RIC3: variants seen among roughly 807,000 people sequenced by gnomAD.
RIC3 encodes the protein RIC3 acetylcholine receptor chaperone, also known as protein RIC-3.
RIC3 carries 28 observed loss-of-function variants against 27.3 expected under a neutral mutation model. The observed-to-expected ratio is 1.02, with a 90% CI of 0.76 to 1.41. The LOEUF is 1.41. Ranked by LOEUF, RIC3 falls within the 40% of genes most tolerant of loss-of-function variation. The pLI, the probability that RIC3 is intolerant of heterozygous loss-of-function variation, is 0.00. For synonymous variants in RIC3, 184 were observed against 160.4 expected, an observed-to-expected ratio of 1.15 and a Z score of -1.11; for missense variants, 501 against 444.7, an observed-to-expected ratio of 1.13 and a Z score of -1.14.
chr11:8,095,841 C>T, the RIC3 span, among the ~76,000 whole-genome samples: 1 of 152,344 alleles, frequency 6.6e-6, no homozygotes, highest in South Asian at 2.1e-4. Flanking sequence ...CCTGCTAAGG[C>T]CCCAGGGAGG....
chr11:8,096,647 C>G, the RIC3 span: 2 of 1,389,252 alleles, frequency 1.4e-6, no homozygotes, highest in African/African-American at 2.8e-5. Flanking sequence ...GCGTAGACTT[C>G]TCCTCCTTCA....
chr11:8,105,933 G>T (rs570187229), downstream of RIC3: 2 of 152,276 alleles, frequency 1.3e-5, no homozygotes, highest in African/African-American at 4.8e-5. Flanking sequence ...CTCTTGCTGG[G>T]AACACAGCCA....
intron 1 of RIC3, among the ~76,000 whole-genome samples, chr11:8,141,624 C>T (rs1949082708): frequency 6.6e-6 from 1 of 151,658 alleles, no homozygotes; most frequent in Non-Finnish European, 1.5e-5. Flanking sequence ...ATCAACGAGA[C>T]AGAAAGTCAA....
the RIC3 span, among the ~76,000 whole-genome samples, chr11:8,094,667 C>T: frequency 6.6e-6 from 1 of 152,230 alleles, no homozygotes; most frequent in South Asian, 2.1e-4. Context: ...GGACCACAGA[C>T]CAGCCTGTTC....
the RIC3 span, among the ~76,000 whole-genome samples, chr11:8,099,114 C>T: frequency 6.6e-6 from 1 of 151,984 alleles, no homozygotes; most frequent in Admixed American, 6.5e-5. Context: ...AGGCCTGGCT[C>T]TCTGCAGTCC....
Position 8,115,342 on chromosome 11 carries a change from T to C in RIC3, c.671-4205A>G, listed in dbSNP as rs190741423. Among the ~76,000 whole-genome samples the C allele has an allele frequency of 7.5e-4, 114 of 151,174 alleles. 1 individual carries two copies. Among genetic ancestry groups the C allele is most frequent in the African/African-American group, 2.6e-3 (108 of 41,304 alleles). On this transcript the variant is annotated intron_variant, in intron 5 of 5. Coordinates refer to ENST00000309737, the MANE Select transcript of RIC3 (RefSeq NM_001206671.4). ...AAAAAAAAAAGGTCAACCAAGAATA[T>C]TGTAGTTGGCAAAGCTCTCCTTCAG...
At position 8,107,073 on chromosome 11, in the gene RIC3, G is replaced by A. The variant is rs115242611; in HGVS notation, c.*3625C>T. The A allele has an allele frequency of 1.3e-5, 2 of 152,186 alleles. No individual in the cohort carries two copies. Among genetic ancestry groups the A allele is most frequent in the Non-Finnish European group, 2.9e-5 (2 of 68,032 alleles). The allele number at this position is 152,186 out of a possible 1,614,324, so 9.4% of individuals were successfully genotyped here. A position where few individuals can be genotyped will look rare whatever the true frequency, so the allele number is the denominator to read the frequency against. ...TCTGAGAGGTTAAGGAATGACCTAA[G>A]AGGAGAAATTTGGGCTATTTTCTTT... On this transcript the variant is annotated 3_prime_UTR_variant, in exon 6 of 6. Transcript: ENST00000309737.
the RIC3 span, chr11:8,095,651 C>T: frequency 2.2e-5 from 36 of 1,602,420 alleles, no homozygotes; most frequent in East Asian, 2.3e-4. Flanking sequence ...CTCCGTGCCA[C>T]GATGCAGAGG....
At chr11:8,152,656 T>C (rs961447320) in intron 1 of RIC3, among the ~76,000 whole-genome samples, 3 of 152,160 alleles carry the variant, frequency 2.0e-5, no homozygotes, top group East Asian at 1.9e-4. Flanking sequence ...TAAAATTGAC[T>C]GTAGTGATAG....
chr11:8,115,521 G>A (rs578250005), intron 5 of RIC3, among the ~76,000 whole-genome samples: 8 of 152,154 alleles, frequency 5.3e-5, no homozygotes, highest in Non-Finnish European at 1.0e-4. Context: ...ATATATGAAA[G>A]TATAGGCTAG....
the RIC3 span, chr11:8,096,836 T>A: frequency 6.2e-7 from 1 of 1,612,624 alleles, no homozygotes; most frequent in Non-Finnish European, 8.5e-7. Context: ...TCCACAGCAG[T>A]TTTTGGAGGA....
intron 5 of RIC3, among the ~76,000 whole-genome samples, chr11:8,119,074 C>T (rs1386879453): frequency 3.9e-5 from 6 of 151,918 alleles, no homozygotes; most frequent in African/African-American, 1.2e-4. Flanking sequence ...AATGAGAGAA[C>T]AAAATAAGGT....
At chr11:8,116,010 T>C (rs1018260592) in intron 5 of RIC3, among the ~76,000 whole-genome samples, 4 of 152,124 alleles carry the variant, frequency 2.6e-5, no homozygotes, top group East Asian at 1.9e-4. Flanking sequence ...TACAAAGCTA[T>C]AGTAATCAAA....
intron 1 of RIC3, among the ~76,000 whole-genome samples, chr11:8,141,080 C>A (rs1235507679): frequency 9.5e-5 from 14 of 148,090 alleles, no homozygotes; most frequent in Non-Finnish European, 1.2e-4. Context: ...CAAAATCATG[C>A]CAAAATGTAA....
In RIC3 at chr11:8,133,196, C is replaced by A. The variant is rs911414066; in HGVS notation, c.521+4182G>T. ...GTGCTTGCTTGCCCTTCCGCCTTTC[C>A]ACCATATGATGATGCAGCAAGAAGA... On this transcript the variant is annotated intron_variant, in intron 4 of 5. Coordinates refer to ENST00000309737, the MANE Select transcript of RIC3 (RefSeq NM_001206671.4). 4.6e-5 allele frequency among the ~76,000 whole-genome samples: 7 copies of A among 152,246 alleles called. No individual in the cohort carries two copies. In the East Asian group the frequency reaches 9.7e-4, roughly 21 times the overall value.
At chr11:8,105,401 C>A (rs1374630341), downstream of RIC3, 1 of 152,242 alleles carries the variant, frequency 6.6e-6, no homozygotes, top group African/African-American at 2.4e-5. Context: ...AAGCCAAGGG[C>A]TAGGCTCTTG....
chr11:8,129,870 G>C (rs1947479509), intron 4 of RIC3, among the ~76,000 whole-genome samples: 1 of 152,074 alleles, frequency 6.6e-6, no homozygotes, highest in South Asian at 2.1e-4. Context: ...TGAGCCCTTT[G>C]CTCTGACCTC....
chr11:8,094,482 C>T, the RIC3 span, among the ~76,000 whole-genome samples: 6 of 152,194 alleles, frequency 3.9e-5, no homozygotes, highest in Non-Finnish European at 8.8e-5. Flanking sequence ...CCTGAGCACC[C>T]TTTATCATGA....
chr11:8,131,509 A>G (rs573017778), intron 4 of RIC3, among the ~76,000 whole-genome samples: 15 of 152,268 alleles, frequency 9.9e-5, no homozygotes, highest in African/African-American at 3.6e-4. Flanking sequence ...TATCTATGAG[A>G]TATGTCCAGT....
Sources: allele counts gnomAD v4.1 joint callset (sites outside exome capture counted in the v4.1 genomes callset), GRCh38; gene constraint gnomAD v4.1.1; transcripts MANE v1.5; gene names NCBI Gene and HGNC (gene_info 2026-07-23, HGNC 2026-07-21).